The following LITAF variants were observed in gnomAD, a reference collection of about 807,000 sequenced individuals.
LITAF encodes the protein lipopolysaccharide-induced tumor necrosis factor-alpha factor.
LITAF carries 9 observed loss-of-function variants against 14.5 expected under a neutral mutation model. The observed-to-expected ratio is 0.62, with a 90% confidence interval of 0.37 to 1.08. The LOEUF is 1.08. LITAF is among the 50% of genes least tolerant of loss of function. LITAF has a pLI of 0.01. For synonymous variants in LITAF, 98 were observed against 88.2 expected (o/e 1.11, Z -0.62); for missense variants, 206 against 213.4 (o/e 0.97, Z 0.22).
intron 3 of LITAF, among the ~76,000 whole-genome samples, chr16:11,627,703 G>A (rs926484922): frequency 6.6e-6 from 1 of 152,198 alleles, no homozygotes; most frequent in African/African-American, 2.4e-5. Flanking sequence ...AATTAGCCAG[G>A]TGTGGTGGTG....
chr16:11,628,678 C>CT (rs1400299658), intron 3 of LITAF, among the ~76,000 whole-genome samples: 1 of 129,010 alleles, frequency 7.8e-6, no homozygotes, highest in Non-Finnish European at 1.8e-5. Context: ...AATATTTTTT[C>CT]TTTTCTTTTT....
At chr16:11,559,967 G>GAC (rs2064334590) in intron 1 of LITAF, among the ~76,000 whole-genome samples, 1 of 151,192 alleles carries the variant, frequency 6.6e-6, no homozygotes, top group Non-Finnish European at 1.5e-5. Flanking sequence ...CAGCCTGGGC[G>GAC]AGACTGTCTC....
At chr16:11,583,609 C>G (rs1212677955) in intron 1 of LITAF, among the ~76,000 whole-genome samples, 1 of 152,192 alleles carries the variant, frequency 6.6e-6, no homozygotes, top group Non-Finnish European at 1.5e-5. Context: ...ATCTTCCACA[C>G]TTTAATATTT....
In LITAF at chr16:11,556,720, G is replaced by A. The variant is rs1477556462; in HGVS notation, c.11C>T (p.Pro4Leu). 1 of 1,614,074 alleles carries A rather than the reference G, an allele frequency of 6.2e-7. No individual in the cohort carries two copies. The change falls in exon 2 of 4, where the codon CCA becomes CTA. Residue 4 changes from proline (P) to leucine (L), a missense_variant. Coordinates refer to ENST00000622633, the MANE Select transcript of LITAF (RefSeq NM_001136472.2). MSVPGPYQAATGPS... is the reference protein window; with the variant it reads MSVLGPYQAATGPS... ...CCCAGTGGCCGCCTGGTAAGGTCCT[G>A]GAACCGACATTTTACCTAAAACAGA... is the stretch of plus-strand genomic sequence containing the variant.
chr16:11,612,397 C>T lies in LITAF; in HGVS notation c.85+21136G>A, dbSNP rs372305349. On this transcript the variant is annotated intron_variant, in intron 3 of 3. Transcript: ENST00000574848. ...GGAGGGTTGGTGAAGAGGTGTCTCC[C>T]TCCCTGGCTTGGCCTGGGCTCTCTG... Among the ~76,000 whole-genome samples the T allele has an allele frequency of 4.3e-3, 658 of 152,340 alleles. 3 individuals carry two copies. Among genetic ancestry groups the T allele is most frequent in the Non-Finnish European group, 7.4e-3 (502 of 68,036 alleles).
At chr16:11,573,723 T>A (rs2064583386) in intron 1 of LITAF, among the ~76,000 whole-genome samples, 1 of 112,482 alleles carries the variant, frequency 8.9e-6, no homozygotes, top group Non-Finnish European at 1.8e-5. Context: ...TTTTTTTTTT[T>A]AGGAGTCTTG....
At chr16:11,552,155 C>A (rs11860303) in intron 3 of LITAF, among the ~76,000 whole-genome samples, 1 of 152,112 alleles carries the variant, frequency 6.6e-6, no homozygotes, top group Non-Finnish European at 1.5e-5. Flanking sequence ...TGTGGAGGAA[C>A]GTGCCGGTTG....
chr16:11,577,073 C>G (rs2141818034), intron 1 of LITAF, among the ~76,000 whole-genome samples: 1 of 152,248 alleles, frequency 6.6e-6, no homozygotes, highest in South Asian at 2.1e-4. Context: ...ATATGTCTTC[C>G]TCCTGCATCC....
chr16:11,633,257 G>A (rs1321613935), intron 3 of LITAF, among the ~76,000 whole-genome samples: 6 of 152,166 alleles, frequency 3.9e-5, no homozygotes, highest in Admixed American at 3.9e-4. Flanking sequence ...AAGCCAGCCA[G>A]GGCTCCAATC....
chr16:11,620,901 G>T (rs1054545476), intron 3 of LITAF, among the ~76,000 whole-genome samples: 7 of 152,158 alleles, frequency 4.6e-5, no homozygotes, highest in Non-Finnish European at 1.0e-4. Flanking sequence ...CTCGCCATTT[G>T]TGACTTTCTA....
intron 1 of LITAF, among the ~76,000 whole-genome samples, chr16:11,572,145 C>T (rs1484514818): frequency 6.6e-6 from 1 of 152,008 alleles, no homozygotes; most frequent in Admixed American, 6.6e-5. Context: ...CAAAATCCCC[C>T]TCCTGCCTTA....
chr16:11,572,866 A>C (rs1344589099), intron 1 of LITAF, among the ~76,000 whole-genome samples: 2 of 151,628 alleles, frequency 1.3e-5, no homozygotes, highest in African/African-American at 4.9e-5. Flanking sequence ...AGGGAAGTAG[A>C]TGCTGGGTGA....
Position 11,632,159 on chromosome 16 carries a change from G to A in LITAF, c.85+1374C>T, listed in dbSNP as rs1385780678. Among the ~76,000 whole-genome samples, 3 of 152,120 alleles carry A rather than the reference G, an allele frequency of 2.0e-5. No homozygotes were observed. The highest frequency in any genetic ancestry group is 4.4e-5 in the Non-Finnish European group (3 of 68,010). The stretch of plus-strand genomic sequence containing the variant: ...TGGGATTACAGGCGTGAGCCACTGC[G>A]CCCGGCCTCGCAAAGAACCTATTTT... On this transcript the variant is annotated intron_variant, in intron 3 of 3. Transcript: ENST00000574848. This position sits in a 1 kb window ranked among gnomAD's most constrained non-coding sequence, Gnocchi z 4.8.
chr16:11,630,486 G>A (rs1204012300), intron 3 of LITAF, among the ~76,000 whole-genome samples: 1 of 151,684 alleles, frequency 6.6e-6, no homozygotes, highest in Non-Finnish European at 1.5e-5. Flanking sequence ...TGCCCCGCCT[G>A]CTCCAGGCAC....
At position 11,548,135 on chromosome 16, in the gene LITAF, A is replaced by G. The variant is rs1455697096; in HGVS notation, c.*1502T>C. Reference sequence around the variant, plus strand: ...TGAAGGGGGATCAATGGTTACCACTATCGTTTTCAACCAATATACAGATGT... The same window carrying G: ...TGAAGGGGGATCAATGGTTACCACTGTCGTTTTCAACCAATATACAGATGT... On this transcript the variant is annotated 3_prime_UTR_variant, in exon 4 of 4. Transcript: ENST00000622633. 4.4e-6 allele frequency: 2 copies of G among 454,152 alleles called. No homozygotes were observed. Among genetic ancestry groups the G allele is most frequent in the South Asian group, 3.1e-5 (2 of 64,482 alleles). The allele number at this position is 454,152 out of a possible 1,614,324, so 28.1% of individuals were successfully genotyped here.
At position 11,558,264 on chromosome 16, in the gene LITAF, G is replaced by A. The variant is rs934994018; in HGVS notation, c.-5-1529C>T. On this transcript the variant is annotated intron_variant, in intron 1 of 3. Coordinates refer to ENST00000622633, the MANE Select transcript of LITAF (RefSeq NM_001136472.2). This position sits in a 1 kb window ranked among gnomAD's most constrained non-coding sequence, Gnocchi z 4.1. Reference sequence around the variant, plus strand: ...ACTTCTCTGGAGGAACCGAAGAAAGGGTATTCACCTCAAAGTGGAAACAGA... The same window carrying A: ...ACTTCTCTGGAGGAACCGAAGAAAGAGTATTCACCTCAAAGTGGAAACAGA... 6.6e-6 allele frequency among the ~76,000 whole-genome samples: 1 copy of A among 152,078 alleles called. No homozygotes were observed. The highest frequency in any genetic ancestry group is 1.5e-5 in the Non-Finnish European group (1 of 68,018).
At chr16:11,567,062 T>G (rs749088040) in intron 1 of LITAF, among the ~76,000 whole-genome samples, 1 of 152,086 alleles carries the variant, frequency 6.6e-6, no homozygotes, top group Non-Finnish European at 1.5e-5. Flanking sequence ...CTGGGGGCAG[T>G]GTATTGTTTC....
intron 1 of LITAF, among the ~76,000 whole-genome samples, chr16:11,595,180 A>T (rs1459132365): frequency 6.6e-6 from 1 of 152,146 alleles, no homozygotes; most frequent in Non-Finnish European, 1.5e-5. Flanking sequence ...TCCCACATAC[A>T]TCACACGCTT....
chr16:11,624,857 C>G (rs1277582299), intron 3 of LITAF, among the ~76,000 whole-genome samples: 2 of 152,126 alleles, frequency 1.3e-5, no homozygotes, highest in Non-Finnish European at 2.9e-5. Flanking sequence ...AGAAGTGACT[C>G]TACAAATTTT....
Sources: allele counts gnomAD v4.1 joint callset (sites outside exome capture counted in the v4.1 genomes callset), GRCh38; gene constraint gnomAD v4.1.1; non-coding constraint Gnocchi (gnomAD v3.1); transcripts MANE v1.5; gene names NCBI Gene and HGNC (gene_info 2026-07-23, HGNC 2026-07-21).